The following PSD3 variants were observed in gnomAD, a reference collection of about 807,000 sequenced individuals.
PSD3 encodes the protein pleckstrin and Sec7 domain containing 3.
PSD3 carries 49 observed loss-of-function variants against 105.5 expected under a neutral mutation model. The ratio of observed to expected loss-of-function variants is 0.46; its 90% CI spans 0.37 to 0.59. The LOEUF (loss-of-function observed/expected upper bound fraction) is 0.59. PSD3 is among the 20% of genes least tolerant of loss of function. The pLI, the probability that PSD3 is intolerant of heterozygous loss-of-function variation, is 0.00. For synonymous variants in PSD3, 557 were observed against 457.8 expected, an observed-to-expected ratio of 1.22 and a Z score of -2.77; for missense variants, 1,561 against 1,263.8, an observed-to-expected ratio of 1.24 and a Z score of -3.57.
intron 4 of PSD3, 65 bp downstream of exon 4, chr8:18,867,609 G>T: frequency 2.6e-6 from 4 of 1,514,720 alleles, no homozygotes; most frequent in Admixed American, 2.1e-5. Context: ...TCCACACTCA[G>T]ATTTCCCAGA....
At chr8:18,619,724 A>G (rs1172090719) in intron 11 of PSD3, among the ~76,000 whole-genome samples, 3 of 152,096 alleles carry the variant, frequency 2.0e-5, no homozygotes, top group Non-Finnish European at 4.4e-5. Context: ...ATTTCACTAA[A>G]TGGATTTTTA....
intron 1 of PSD3, among the ~76,000 whole-genome samples, chr8:19,057,650 A>C (rs1828754545): frequency 6.6e-6 from 1 of 152,172 alleles, no homozygotes; most frequent in Non-Finnish European, 1.5e-5. Flanking sequence ...CTAGCAACTA[A>C]AGAGTTATGC....
intron 9 of PSD3, among the ~76,000 whole-genome samples, chr8:18,759,829 T>C (rs1288798397): frequency 2.6e-5 from 4 of 152,002 alleles, no homozygotes; most frequent in Non-Finnish European, 4.4e-5. Context: ...CCTTCTTTCA[T>C]GTAAATACAT....
Position 18,531,092 on chromosome 8 carries a change from C to A in PSD3, c.*4651G>T, listed in dbSNP as rs1799613889. The A allele has an allele frequency of 6.6e-6, 1 of 152,444 alleles. No individual in the cohort carries two copies. The highest frequency in any genetic ancestry group is 2.1e-4 in the South Asian group (1 of 4,824). The allele number at this position is 152,444 out of a possible 1,614,324, so 9.4% of individuals were successfully genotyped here. On this transcript the variant is annotated 3_prime_UTR_variant, in exon 16 of 16. Transcript: ENST00000327040. ...CAAATACAACAATGGCAGGTGACAGCATTTTCTTTGATGACTGACATACTG... is the reference window on the plus strand; with the variant it reads ...CAAATACAACAATGGCAGGTGACAGAATTTTCTTTGATGACTGACATACTG...
At chr8:18,920,031 AC>A (rs1473395712) in intron 2 of PSD3, among the ~76,000 whole-genome samples, 44 of 146,136 alleles carry the variant, frequency 3.0e-4, no homozygotes, top group East Asian at 9.9e-4. Context: ...AAAAAAAAAA[AC>A]AATCACAAAA....
chr8:18,916,297 GATATATATATATATATATATAT>G (rs71218908), intron 2 of PSD3, among the ~76,000 whole-genome samples: 1,019 of 31,254 alleles, frequency 0.033, 36 homozygotes, highest in African/African-American at 0.071. Flanking sequence ...TAAAAAAAGT[GATATATATATATATATATATAT>G]ATATATATAT....
chr8:18,994,021 C>A (rs1424538298), intron 1 of PSD3, among the ~76,000 whole-genome samples: 1 of 151,956 alleles, frequency 6.6e-6, no homozygotes, highest in Non-Finnish European at 1.5e-5. Flanking sequence ...AGGGAGTGAG[C>A]TCTGGAACCG....
At chr8:18,974,230 G>A (rs1004584157) in intron 1 of PSD3, among the ~76,000 whole-genome samples, 4 of 152,070 alleles carry the variant, frequency 2.6e-5, no homozygotes, top group Non-Finnish European at 4.4e-5. Context: ...TAAAGAAAAA[G>A]GCTCAAAAAG....
At chr8:18,910,948 A>T (rs181621730) in intron 2 of PSD3, among the ~76,000 whole-genome samples, 27 of 152,164 alleles carry the variant, frequency 1.8e-4, no homozygotes, top group Admixed American at 3.3e-4. Flanking sequence ...AATAAAAAAA[A>T]AAAAAATAAG....
intron 12 of PSD3, among the ~76,000 whole-genome samples, chr8:18,591,690 G>A (rs1230440017): frequency 6.6e-6 from 1 of 152,078 alleles, no homozygotes; most frequent in Non-Finnish European, 1.5e-5. Context: ...AGAGAGAGGA[G>A]CAGAGTATGC....
chr8:18,865,424 G>C (rs890658165), intron 4 of PSD3, among the ~76,000 whole-genome samples: 2 of 150,754 alleles, frequency 1.3e-5, no homozygotes, highest in African/African-American at 4.9e-5. Flanking sequence ...AGGTAGAAGG[G>C]AGTAAAGAAA....
At position 18,572,541 on chromosome 8, in the gene PSD3, G is replaced by T; in HGVS notation, c.2771C>A (p.Thr924Lys). 1 of 1,613,824 alleles carries T rather than the reference G, an allele frequency of 6.2e-7. No homozygotes were observed. Among genetic ancestry groups the T allele is most frequent in the Non-Finnish European group, 8.5e-7 (1 of 1,179,780 alleles). Residue 924 changes from threonine to lysine, a missense_variant, in exon 14 of 16, where the codon ACA becomes AAA. Transcript: ENST00000327040. ...FSRPLLPATT[T>K]KLSQEEQLKS... ...CAAGATGATTACCTGAGACAGTTTT[G>T]TTGTAGTGGCAGGCAGAAGTGGGCG...
chr8:18,739,816 T>C (rs904343345), intron 9 of PSD3, among the ~76,000 whole-genome samples: 3 of 152,182 alleles, frequency 2.0e-5, no homozygotes, highest in African/African-American at 4.8e-5. Flanking sequence ...ACATTTGAAA[T>C]TGACCTGGCT....
chr8:18,585,693 A>G (rs1433187143), intron 12 of PSD3, among the ~76,000 whole-genome samples: 1 of 152,198 alleles, frequency 6.6e-6, no homozygotes, highest in African/African-American at 2.4e-5. Flanking sequence ...CTCATTTCTT[A>G]TAAGAGTCGT....
chr8:18,556,500 T>C (rs1801083340), intron 14 of PSD3, 148 bp from the exon 15 acceptor site: 2 of 807,654 alleles, frequency 2.5e-6, no homozygotes, highest in African/African-American at 1.7e-5. Context: ...CTTCCAGCTT[T>C]CTCACGCCCC....
intron 1 of PSD3, among the ~76,000 whole-genome samples, chr8:18,975,462 T>C (rs150111293): frequency 2.3e-4 from 35 of 152,308 alleles, no homozygotes; most frequent in African/African-American, 7.2e-4. Context: ...AGAGCGTTTG[T>C]AGCCGATTTC....
chr8:18,975,996 C>G (rs949743874), intron 1 of PSD3, among the ~76,000 whole-genome samples: 1 of 152,126 alleles, frequency 6.6e-6, no homozygotes, highest in African/African-American at 2.4e-5. Flanking sequence ...TTCCATCCAC[C>G]ATTTACACTT....
At chr8:18,540,477 T>C (rs1800094682) in intron 15 of PSD3, among the ~76,000 whole-genome samples, 1 of 152,200 alleles carries the variant, frequency 6.6e-6, no homozygotes, top group Non-Finnish European at 1.5e-5. Flanking sequence ...GGATAATTCT[T>C]AAGTGGTGAA....
chr8:18,553,868 G>A lies in PSD3; in HGVS notation c.2928+2341C>T, dbSNP rs537732446. 2.0e-5 allele frequency among the ~76,000 whole-genome samples: 3 copies of A among 152,288 alleles called. No individual in the cohort carries two copies. The East Asian group carries it at 5.8e-4, about 29-fold the overall frequency. ...CCTCGCGCCTTTCTGATAGACACAG[G>A]TGAAGGAGCTTGACAGACAAGTCAA... is the stretch of plus-strand genomic sequence containing the variant. On this transcript the variant is annotated intron_variant, in intron 15 of 15. Transcript: ENST00000327040.
Sources: allele counts gnomAD v4.1 joint callset (sites outside exome capture counted in the v4.1 genomes callset), GRCh38; gene constraint gnomAD v4.1.1; transcripts MANE v1.5; gene names NCBI Gene and HGNC (gene_info 2026-07-23, HGNC 2026-07-21).